EIF4G3: variants seen among roughly 807,000 people sequenced by gnomAD.
EIF4G3 encodes the protein eIF-4-gamma 3.
In EIF4G3, 34 loss-of-function variants were observed where a neutral mutation model predicts 186.4. The observed-to-expected ratio is 0.18, with a 90% CI of 0.14 to 0.24. The LOEUF (loss-of-function observed/expected upper bound fraction) is 0.24. EIF4G3 is among the 10% of genes least tolerant of loss of function. The probability of loss-of-function intolerance (pLI) is 1.00; values close to 1 mark genes in which losing one functional copy is unlikely to be tolerated. For synonymous variants in EIF4G3, 673 were observed against 679.5 expected (o/e 0.99, Z 0.15); for missense variants, 1,536 against 1,948.5 (o/e 0.79, Z 3.99).
intron 4 of EIF4G3, among the ~76,000 whole-genome samples, chr1:21,031,619 G>T (rs1273974727): frequency 6.6e-6 from 1 of 152,108 alleles, no homozygotes; most frequent in Non-Finnish European, 1.5e-5. Flanking sequence ...AAGAAAGTGT[G>T]TAAGGAAAAA....
rs1333575548 is a variant in EIF4G3 at position 20,840,607 on chromosome 1, C to T, written c.4061+249G>A. Among the ~76,000 whole-genome samples the T allele has an allele frequency of 1.3e-5, 2 of 152,172 alleles. 1 individual carries two copies. The highest frequency in any genetic ancestry group is 4.1e-4 in the South Asian group (2 of 4,828). On this transcript the variant is annotated intron_variant, in intron 30 of 36. Coordinates refer to ENST00000602326, the MANE Select transcript of EIF4G3 (RefSeq NM_001391906.1). ...TAAGGGGTCTCTGTTACCTTACTTA[C>T]ATCATGATAGAGATCTAACAATAAT...
At chr1:20,943,992 G>GTC (rs2095834322) in intron 13 of EIF4G3, among the ~76,000 whole-genome samples, 1 of 131,418 alleles carries the variant, frequency 7.6e-6, no homozygotes. Context: ...GTGTGTGTGT[G>GTC]TGTGTGTGTG....
intron 2 of EIF4G3, among the ~76,000 whole-genome samples, chr1:21,150,224 C>CGG (rs1245664081): frequency 1.5e-4 from 23 of 152,152 alleles, no homozygotes; most frequent in Non-Finnish European, 2.6e-4. Flanking sequence ...TGCTGCAGTC[C>CGG]CAGATGAAAG....
At position 20,948,121 on chromosome 1, in the gene EIF4G3, T is replaced by C. The variant is rs184615722; in HGVS notation, c.823+1882A>G. Among the ~76,000 whole-genome samples, 267 of 152,344 alleles carry C rather than the reference T, an allele frequency of 1.8e-3. 1 individual carries two copies. The highest frequency in any genetic ancestry group is 3.0e-3 in the Non-Finnish European group (206 of 68,032). On this transcript the variant is annotated intron_variant, in intron 13 of 36. Coordinates refer to ENST00000602326, the MANE Select transcript of EIF4G3 (RefSeq NM_001391906.1). Reference sequence around the variant, plus strand: ...CTCTTTGCATGGGAAGTATTCAATATGCTTAGCATAATTCTAACCAGCAAA... The same window carrying C: ...CTCTTTGCATGGGAAGTATTCAATACGCTTAGCATAATTCTAACCAGCAAA...
intron 2 of EIF4G3, among the ~76,000 whole-genome samples, chr1:21,166,140 T>C (rs1242633785): frequency 3.9e-5 from 5 of 129,566 alleles, no homozygotes; most frequent in African/African-American, 1.3e-4. Flanking sequence ...AAATTCATAC[T>C]TCCATGCCAG....
chr1:21,056,798 G>A (rs764491566), intron 3 of EIF4G3, among the ~76,000 whole-genome samples: 2 of 152,108 alleles, frequency 1.3e-5, no homozygotes, highest in Non-Finnish European at 2.9e-5. Flanking sequence ...AATTATGAAG[G>A]CTGGGAGGGA....
chr1:20,813,980 A>G (rs1412196561), intron 34 of EIF4G3, among the ~76,000 whole-genome samples: 3 of 89,798 alleles, frequency 3.3e-5, no homozygotes, highest in African/African-American at 1.4e-4. Flanking sequence ...GAGACTTTGC[A>G]CTGTCACCCG....
intron 4 of EIF4G3, among the ~76,000 whole-genome samples, chr1:21,010,252 C>T (rs2086593762): frequency 2.6e-5 from 4 of 151,544 alleles, no homozygotes; most frequent in Admixed American, 1.3e-4. Flanking sequence ...TCGAGACCAG[C>T]CTGGCCAATA....
Position 20,896,447 on chromosome 1 carries a change from A to AAAAAAG in EIF4G3, c.2000-952_2000-947dup, listed in dbSNP as rs996685060. On this transcript the variant is annotated intron_variant, in intron 16 of 36. Transcript: ENST00000602326. ...TGAGATTCTATCTCAAAAAAAAAAA[A>AAAAAAG]AAAAAGAAAAAGAAAAAGAAAAAGG... Among the ~76,000 whole-genome samples the AAAAAAG allele has an allele frequency of 3.4e-3, 519 of 151,120 alleles. 18 individuals carry two copies. The East Asian group carries it at 0.078, about 23-fold the overall frequency.
At chr1:20,882,595 AGG>A (rs2082729321) in intron 19 of EIF4G3, among the ~76,000 whole-genome samples, 1 of 150,980 alleles carries the variant, frequency 6.6e-6, no homozygotes. Context: ...TACTCCAGCC[AGG>A]GCGACACAGT....
intron 6 of EIF4G3, among the ~76,000 whole-genome samples, chr1:21,000,010 T>C (rs963224600): frequency 6.6e-6 from 1 of 151,974 alleles, no homozygotes. Flanking sequence ...ATTGATGTAA[T>C]TTTGAAACTT....
intron 12 of EIF4G3, among the ~76,000 whole-genome samples, chr1:20,969,247 GT>G (rs1280598175): frequency 6.6e-6 from 1 of 152,130 alleles, no homozygotes; most frequent in African/African-American, 2.4e-5. Context: ...CACCTCACCT[GT>G]GCTCTGATTG....
chr1:21,076,877 T>G (rs898881993), intron 3 of EIF4G3, among the ~76,000 whole-genome samples: 1 of 151,950 alleles, frequency 6.6e-6, no homozygotes, highest in Admixed American at 6.6e-5. Flanking sequence ...AGAACATTGG[T>G]CTGAAAAAAG....
intron 4 of EIF4G3, among the ~76,000 whole-genome samples, chr1:21,012,780 C>A (rs1000691303): frequency 2.0e-5 from 3 of 152,158 alleles, no homozygotes; most frequent in African/African-American, 7.2e-5. Context: ...ACACCATGGA[C>A]TTTTGTGCCA....
intron 3 of EIF4G3, among the ~76,000 whole-genome samples, chr1:21,052,356 A>G (rs2094270415): frequency 6.6e-6 from 1 of 152,228 alleles, no homozygotes; most frequent in Non-Finnish European, 1.5e-5. Flanking sequence ...CTAAAATGAA[A>G]GAAGTCATTC....
intron 13 of EIF4G3, among the ~76,000 whole-genome samples, chr1:20,945,316 A>T (rs971337335): frequency 6.6e-6 from 1 of 152,214 alleles, no homozygotes; most frequent in African/African-American, 2.4e-5. Flanking sequence ...ACAAGAAAAA[A>T]GGAGAAAAAA....
chr1:20,943,904 C>T (rs1031742720), intron 13 of EIF4G3, among the ~76,000 whole-genome samples: 1 of 149,234 alleles, frequency 6.7e-6, no homozygotes, highest in African/African-American at 2.5e-5. Flanking sequence ...GCTCTCATTG[C>T]CAAATCCCTC....
intron 4 of EIF4G3, among the ~76,000 whole-genome samples, chr1:21,046,706 T>C (rs1347429667): frequency 6.6e-6 from 1 of 152,200 alleles, no homozygotes; most frequent in African/African-American, 2.4e-5. Context: ...ATCTGTTTTG[T>C]ATAGAAGAAT....
intron 2 of EIF4G3, among the ~76,000 whole-genome samples, chr1:21,164,255 CTATTTTTTACAAAACT>C (rs1342147938): frequency 6.6e-6 from 1 of 152,142 alleles, no homozygotes; most frequent in Non-Finnish European, 1.5e-5. Context: ...TGCTTATACT[CTATTTTTTACAAAACT>C]ACCACTGCCT....
Sources: gnomAD v4.1 joint callset for allele counts (sites outside exome capture counted in the v4.1 genomes callset) on GRCh38, gnomAD v4.1.1 for gene constraint, MANE v1.5 for transcripts, NCBI Gene and HGNC (gene_info 2026-07-23, HGNC 2026-07-21) for gene names.